Variants in AGAP9 observed in about 807,000 individuals in gnomAD.
AGAP9 encodes the protein arf-GAP with GTPase, ANK repeat and PH domain-containing protein 9.
A neutral mutation model predicts 55.6 loss-of-function variants in AGAP9; 23 were observed. The observed-to-expected ratio is 0.41, with a 90% CI of 0.30 to 0.59. AGAP9 has a LOEUF of 0.59. AGAP9 is among the 20% of genes least tolerant of loss of function. The probability of loss-of-function intolerance (pLI) is 0.25; values close to 1 mark genes in which losing one functional copy is unlikely to be tolerated. For missense variants in AGAP9, 309 were observed against 808.1 expected (o/e 0.38, Z 7.49); for synonymous variants, 120 against 305.0 (o/e 0.39, Z 6.32).
Position 47,502,886 on chromosome 10 carries a change from A to C in AGAP9, c.1243T>G (p.Ser415Ala), listed in dbSNP as rs1484169868. ...AAGTGCCACGTTTGGCCAGTGGCAG[A>C]CACAATCATAAAGTTGTTGGTGCTT... ...KKSTNNFMIV[S>A]ATGQTWHFEA... The change falls in exon 8 of 8, where the codon TCT becomes GCT. Residue 415 changes from serine (S) to alanine (A), a missense_variant. Coordinates refer to ENST00000452145, the MANE Select transcript of AGAP9 (RefSeq NM_001190810.1). 6.2e-6 allele frequency: 10 copies of C among 1,604,662 alleles called. 1 individual carries two copies. The highest frequency in any genetic ancestry group is 8.5e-6 in the Non-Finnish European group (10 of 1,177,564).
chr10:47,514,065 G>A (rs1176648609), intron 4 of AGAP9, among the ~76,000 whole-genome samples: 1 of 141,760 alleles, frequency 7.1e-6, no homozygotes, highest in African/African-American at 2.6e-5. Flanking sequence ...ACAGGAAAAG[G>A]AACAATCAAC....
Position 47,502,849 on chromosome 10 carries a change from G to A in AGAP9, c.1280C>T (p.Thr427Met), listed in dbSNP as rs1329045157. 2.1e-5 allele frequency: 34 copies of A among 1,603,700 alleles called. No individual in the cohort carries two copies. The highest frequency in any genetic ancestry group is 4.1e-5 in the African/African-American group (3 of 72,820). Residue 427 changes from threonine to methionine, a missense_variant, in exon 8 of 8, where the codon ACG becomes ATG. Coordinates refer to ENST00000452145, the MANE Select transcript of AGAP9 (RefSeq NM_001190810.1). ...GACCCAGGCATCCCGCTCCTCATACGTCGTGGCTTCAAAGTGCCACGTTTG... is the reference window on the plus strand; with the variant it reads ...GACCCAGGCATCCCGCTCCTCATACATCGTGGCTTCAAAGTGCCACGTTTG... ...TGQTWHFEAT[T>M]YEERDAWVQA...
chr10:47,504,999 GGCACCT>G (rs1840447976), intron 6 of AGAP9, among the ~76,000 whole-genome samples: 1 of 143,180 alleles, frequency 7.0e-6, no homozygotes, highest in Non-Finnish European at 1.5e-5. Flanking sequence ...AGGGATTACA[GGCACCT>G]GCCACCACTC....
chr10:47,513,035 CT>C (rs1375773544), intron 4 of AGAP9, among the ~76,000 whole-genome samples: 1 of 130,936 alleles, frequency 7.6e-6, no homozygotes, highest in Non-Finnish European at 1.6e-5. Flanking sequence ...GGTGGATTAT[CT>C]TTTTTTTATT....
rs1184540172 is a variant in AGAP9 at position 47,508,994 on chromosome 10, T to C, written c.497+1177A>G. On this transcript the variant is annotated intron_variant, in intron 5 of 7. Transcript: ENST00000452145. ...ATCTTCTTGAAGCCAATTTGCCCTATTAATTTGTTCAATAACTTTATTTCA... is the reference window on the plus strand; with the variant it reads ...ATCTTCTTGAAGCCAATTTGCCCTACTAATTTGTTCAATAACTTTATTTCA... 2.4e-4 allele frequency among the ~76,000 whole-genome samples: 32 copies of C among 133,612 alleles called. 7 individuals carry two copies. Among genetic ancestry groups the C allele is most frequent in the Non-Finnish European group, 1.1e-4 (7 of 65,320 alleles). The allele number at this position is 133,612 out of a possible 152,430, so 87.7% of individuals were successfully genotyped here.
chr10:47,522,587 C>A, intron 2 of AGAP9, among the ~76,000 whole-genome samples: 1 of 143,292 alleles, frequency 7.0e-6, no homozygotes, highest in African/African-American at 2.7e-5. Context: ...CATATAGCCT[C>A]TCCCGTGGCA....
Position 47,502,909 on chromosome 10 carries a change from C to G in AGAP9, c.1220G>C (p.Ser407Thr), listed in dbSNP as rs1226549480. The change falls in exon 8 of 8, where the codon AGC (serine) becomes ACC (threonine). Residue 407 changes from serine to threonine, a missense_variant. Coordinates refer to ENST00000452145, the MANE Select transcript of AGAP9 (RefSeq NM_001190810.1). ...AGACACAATCATAAAGTTGTTGGTGCTTTTCTTCTTTAGGTGTTTCTTTTT... is the reference window on the plus strand; with the variant it reads ...AGACACAATCATAAAGTTGTTGGTGGTTTTCTTCTTTAGGTGTTTCTTTTT... ...ANKKKHLKKKSTNNFMIVSAT... is the reference protein window; with the variant it reads ...ANKKKHLKKKTTNNFMIVSAT... 1 of 1,603,986 alleles carries G rather than the reference C, an allele frequency of 6.2e-7. No homozygotes were observed. The highest frequency in any genetic ancestry group is 8.5e-7 in the Non-Finnish European group (1 of 1,177,636).
chr10:47,522,311 G>A (rs1249755522), intron 2 of AGAP9, among the ~76,000 whole-genome samples: 102 of 146,640 alleles, frequency 7.0e-4, no homozygotes, highest in Non-Finnish European at 1.3e-3. Flanking sequence ...AATAAAGTCT[G>A]TTAAGTCACC....
At chr10:47,520,903 CTT>C (rs1253375611) in intron 2 of AGAP9, among the ~76,000 whole-genome samples, 1 of 118,038 alleles carries the variant, frequency 8.5e-6, no homozygotes, top group Non-Finnish European at 1.7e-5. Context: ...GTAAAATCAA[CTT>C]TGCATAAAAT....
chr10:47,503,964 A>G (rs1415028896), intron 7 of AGAP9, among the ~76,000 whole-genome samples: 1 of 112,064 alleles, frequency 8.9e-6, no homozygotes, highest in Non-Finnish European at 1.8e-5. Flanking sequence ...AAAAAAAAAA[A>G]AAGATACATT....
At position 47,502,873 on chromosome 10, in the gene AGAP9, T is replaced by A; in HGVS notation, c.1256A>T (p.Gln419Leu). The A allele has an allele frequency of 6.2e-7, 1 of 1,604,778 alleles. No homozygotes were observed. Residue 419 changes from glutamine (Q) to leucine (L), a missense_variant, in exon 8 of 8, where the codon CAA becomes CTA. Gln to Leu is a moderately radical substitution (Grantham distance 113). Coordinates refer to ENST00000452145, the MANE Select transcript of AGAP9 (RefSeq NM_001190810.1). The part of the protein sequence containing the change: ...NNFMIVSATG[Q>L]TWHFEATTYE... Reference sequence around the variant, plus strand: ...CGTCGTGGCTTCAAAGTGCCACGTTTGGCCAGTGGCAGACACAATCATAAA... The same window carrying A: ...CGTCGTGGCTTCAAAGTGCCACGTTAGGCCAGTGGCAGACACAATCATAAA...
intron 4 of AGAP9, among the ~76,000 whole-genome samples, chr10:47,513,204 T>A (rs1369024813): frequency 2.7e-5 from 4 of 149,528 alleles, no homozygotes; most frequent in African/African-American, 9.7e-5. Context: ...CCGGCTAACT[T>A]TTGTATTTTT....
At chr10:47,507,621 T>A in intron 5 of AGAP9, 38 bp from the exon 6 acceptor site, 3 of 1,529,680 alleles carry the variant, frequency 2.0e-6, no homozygotes, top group South Asian at 2.3e-5. Context: ...ATAGATGTTA[T>A]CATTTGTTAG....
At position 47,502,041 on chromosome 10, in the gene AGAP9, G is replaced by A; in HGVS notation, c.*111C>T. On this transcript the variant is annotated 3_prime_UTR_variant, in exon 8 of 8. Coordinates refer to ENST00000452145, the MANE Select transcript of AGAP9 (RefSeq NM_001190810.1). ...TCCTTATTTTTCCCATTTTGTTTTT[G>A]CACCAAGGAGACTGCAGTCAAATAA... is the stretch of plus-strand genomic sequence containing the variant. 6.6e-7 allele frequency: 1 copy of A among 1,506,778 alleles called. No individual in the cohort carries two copies. Among genetic ancestry groups the A allele is most frequent in the Non-Finnish European group, 9.0e-7 (1 of 1,105,038 alleles). 93.3% of individuals were successfully genotyped at this position (1,506,778 alleles called of 1,614,324 possible).
intron 3 of AGAP9, among the ~76,000 whole-genome samples, chr10:47,518,689 C>T (rs1291639835): frequency 7.9e-6 from 1 of 126,748 alleles, no homozygotes; most frequent in Non-Finnish European, 1.6e-5. Context: ...GCTGGGATTA[C>T]AGGTGTAAGC....
At position 47,509,937 on chromosome 10, in the gene AGAP9, C is replaced by A. The variant is rs1400002455; in HGVS notation, c.497+234G>T. On this transcript the variant is annotated intron_variant, in intron 5 of 7. Transcript: ENST00000452145. ...CACTGTGTTCAACATTGTCTAAAGG[C>A]ATAAAGACATCAAAAAGACACACTG... 3.6e-4 allele frequency among the ~76,000 whole-genome samples: 51 copies of A among 142,056 alleles called. 6 individuals are homozygous for A. In the South Asian group the frequency reaches 0.01, roughly 29 times the overall value. The allele number at this position is 142,056 out of a possible 152,430, so 93.2% of individuals were successfully genotyped here.
intron 2 of AGAP9, among the ~76,000 whole-genome samples, chr10:47,521,292 A>G (rs1434789040): frequency 7.2e-6 from 1 of 139,204 alleles, no homozygotes; most frequent in Non-Finnish European, 1.5e-5. Context: ...CTTTCCAAAC[A>G]TCACCAAGCA....
intron 2 of AGAP9, among the ~76,000 whole-genome samples, chr10:47,521,151 TTTGTA>T (rs1307373667): frequency 2.4e-5 from 3 of 123,468 alleles, no homozygotes; most frequent in Non-Finnish European, 4.9e-5. Context: ...ACAGGCCTTA[TTTGTA>T]TTGGAAAGGG....
intron 6 of AGAP9, among the ~76,000 whole-genome samples, chr10:47,506,402 C>A (rs1403405096): frequency 1.4e-5 from 2 of 139,958 alleles, no homozygotes; most frequent in Non-Finnish European, 3.1e-5. Context: ...AAGATCTCGG[C>A]TCACTGCAAC....
Sources: allele counts gnomAD v4.1 joint callset (sites outside exome capture counted in the v4.1 genomes callset), GRCh38; gene constraint gnomAD v4.1.1; transcripts MANE v1.5; gene names NCBI Gene and HGNC (gene_info 2026-07-23, HGNC 2026-07-21).